VSIG2: variants seen among roughly 807,000 people sequenced by gnomAD.
VSIG2 encodes the protein V-set and immunoglobulin domain-containing protein 2.
Under a neutral mutation model 29.4 loss-of-function variants are expected in VSIG2, and 30 were observed. That is an observed-to-expected ratio of 1.02 (90% CI 0.76 to 1.38). VSIG2 has a LOEUF of 1.38. Ranked by LOEUF, VSIG2 falls within the 40% of genes most tolerant of loss-of-function variation. The probability of loss-of-function intolerance (pLI) is 0.00; values close to 1 mark genes in which losing one functional copy is unlikely to be tolerated. For synonymous variants in VSIG2, 178 were observed against 174.2 expected, an observed-to-expected ratio of 1.02 and a Z score of -0.17; for missense variants, 421 against 400.8, an observed-to-expected ratio of 1.05 and a Z score of -0.43.
At chr11:124,750,968 A>G (rs1171908287) in intron 2 of VSIG2, 47 bp from the exon 3 acceptor site, 3 of 1,596,058 alleles carry the variant, frequency 1.9e-6, no homozygotes, top group Non-Finnish European at 2.6e-6. Context: ...TCTGCCTGGC[A>G]TCAACTCTAC....
At chr11:124,748,793 C>T in intron 4 of VSIG2, 30 bp from the exon 5 acceptor site, 1 of 1,614,118 alleles carries the variant, frequency 6.2e-7, no homozygotes, top group Non-Finnish European at 8.5e-7. Context: ...TGTTCCACGA[C>T]TCATTCAACT....
At chr11:124,748,237 T>A (rs1591424149) in intron 6 of VSIG2, 153 bp downstream of exon 6, 1 of 856,812 alleles carries the variant, frequency 1.2e-6, no homozygotes, top group East Asian at 2.6e-5. Flanking sequence ...AATACACAGG[T>A]TACACTGCTG....
rs1944064229 is a variant in VSIG2, at chr11:124,749,885, A to AAAAAAC, written c.428-20_428-19insGTTTTT. ...GGGGGAACTGCAAAAAAAAAAAAAA[A>AAAAAAC]AAAAAAAAAACAGAAAGTTCCTCAG... On this transcript the variant is annotated intron_variant, in intron 3 of 6. Transcript: ENST00000326621. 288 of 1,418,944 alleles carry AAAAAAC rather than the reference A, an allele frequency of 2.0e-4. 4 individuals are homozygous for AAAAAAC. Among genetic ancestry groups the AAAAAAC allele is most frequent in the South Asian group, 3.0e-4 (23 of 75,412 alleles). The allele number at this position is 1,418,944 out of a possible 1,614,324, so 87.9% of individuals were successfully genotyped here.
At chr11:124,751,750 C>T (rs776910960) in intron 1 of VSIG2, among the ~76,000 whole-genome samples, 170 bp from the exon 2 acceptor site, 13 of 152,222 alleles carry the variant, frequency 8.5e-5, no homozygotes, top group Non-Finnish European at 1.9e-4. Context: ...CGGGAGGGGC[C>T]GGGTCTTTGT....
At position 124,748,517 on chromosome 11, in the gene VSIG2, C is replaced by T; in HGVS notation, c.724G>A (p.Val242Met). Residue 242 changes from valine (V) to methionine (M), a missense_variant, in exon 6 of 7, where the codon GTG becomes ATG. Val to Met is a conservative substitution (Grantham distance 21). Coordinates refer to ENST00000326621, the MANE Select transcript of VSIG2 (RefSeq NM_014312.5). Reference sequence around the variant, plus strand: ...AGCACCCCAATCAGAGCTCCGGCCACTCGGCCTTGGGAGGGTTCTAAGGAG... The same window carrying T: ...AGCACCCCAATCAGAGCTCCGGCCATTCGGCCTTGGGAGGGTTCTAAGGAG... ...LSVTEPSQGR[V>M]AGALIGVLLG... 3.1e-6 allele frequency: 5 copies of T among 1,614,176 alleles called. No homozygotes were observed. The South Asian group carries it at 4.4e-5, about 14-fold the overall frequency.
rs995486247 is a variant in VSIG2, at chr11:124,748,766, A to C, written c.587-3T>G. Reference sequence around the variant, plus strand: ...AATGAGCTGGCCAGACACCTCATCTAGAGGATGAAGAGGAAGTGTTCCACG... The same window carrying C: ...AATGAGCTGGCCAGACACCTCATCTCGAGGATGAAGAGGAAGTGTTCCACG... On this transcript the variant is annotated splice_polypyrimidine_tract_variant and splice_region_variant and intron_variant, in intron 4 of 6. Coordinates refer to ENST00000326621, the MANE Select transcript of VSIG2 (RefSeq NM_014312.5). 6.2e-7 allele frequency: 1 copy of C among 1,614,056 alleles called. No homozygotes were observed. Among genetic ancestry groups the C allele is most frequent in the African/African-American group, 1.3e-5 (1 of 74,930 alleles).
Position 124,752,159 on chromosome 11 carries a change from C to G in VSIG2, c.-22G>C. On this transcript the variant is annotated 5_prime_UTR_variant, in exon 1 of 7. Coordinates refer to ENST00000326621, the MANE Select transcript of VSIG2 (RefSeq NM_014312.5). ...CCATGGCCGCGTCCGGCCGTCCTGT[C>G]CTGCTCCTGCCAGGTGGGCGGTCAA... 1 of 1,553,366 alleles carries G rather than the reference C, an allele frequency of 6.4e-7. No homozygotes were observed.
At chr11:124,751,368 C>T in intron 2 of VSIG2, 55 bp downstream of exon 2, 1 of 1,601,886 alleles carries the variant, frequency 6.2e-7, no homozygotes. Context: ...TGCCCTCATC[C>T]TGGGCTCCTG....
At chr11:124,749,402 G>A (rs1410903585) in intron 4 of VSIG2, among the ~76,000 whole-genome samples, 1 of 152,120 alleles carries the variant, frequency 6.6e-6, no homozygotes, top group East Asian at 1.9e-4. Flanking sequence ...CGACCCTTAG[G>A]AAACCTAAAA....
chr11:124,752,049 G>A (rs770860371), intron 1 of VSIG2, 28 bp downstream of exon 1: 1 of 1,579,326 alleles, frequency 6.3e-7, no homozygotes, highest in South Asian at 1.2e-5. Context: ...CCCAGCCCTC[G>A]CCGTGGTCCC....
At chr11:124,747,731 T>C in intron 6 of VSIG2, 64 bp from the exon 7 acceptor site, 1 of 1,524,968 alleles carries the variant, frequency 6.6e-7, no homozygotes, top group Non-Finnish European at 8.9e-7. Flanking sequence ...GGCCGTCCTC[T>C]AACCTGGGGA....
chr11:124,751,028 C>CTCCCTGGCTGATGTA, intron 2 of VSIG2, 107 bp from the exon 3 acceptor site: 6 of 1,198,746 alleles, frequency 5.0e-6, no homozygotes, highest in Non-Finnish European at 7.0e-6. Flanking sequence ...TTACATCAGC[C>CTCCCTGGCTGATGTA]AGGGAGGCTG....
rs1944064229 is a variant in VSIG2, at chr11:124,749,885, A to AAAAAACAAAAAAAAAC, written c.428-20_428-19insGTTTTTTTTTGTTTTT. The AAAAAACAAAAAAAAAC allele has an allele frequency of 1.6e-5, 23 of 1,419,138 alleles. No homozygotes were observed. The African/African-American group carries it at 3.3e-4, about 20-fold the overall frequency. The allele number at this position is 1,419,138 out of a possible 1,614,324, so 87.9% of individuals were successfully genotyped here. The stretch of plus-strand genomic sequence containing the variant: ...GGGGGAACTGCAAAAAAAAAAAAAA[A>AAAAAACAAAAAAAAAC]AAAAAAAAAACAGAAAGTTCCTCAG... On this transcript the variant is annotated intron_variant, in intron 3 of 6. Coordinates refer to ENST00000326621, the MANE Select transcript of VSIG2 (RefSeq NM_014312.5).
Position 124,748,540 on chromosome 11 carries a change from G to A in VSIG2, c.707-6C>T. Reference sequence around the variant, plus strand: ...CACTCGGCCTTGGGAGGGTTCTAAGGAGATACAGGACCCTCACTCAGAATT... The same window carrying A: ...CACTCGGCCTTGGGAGGGTTCTAAGAAGATACAGGACCCTCACTCAGAATT... On this transcript the variant is annotated splice_polypyrimidine_tract_variant and splice_region_variant and intron_variant, in intron 5 of 6. Coordinates refer to ENST00000326621, the MANE Select transcript of VSIG2 (RefSeq NM_014312.5). 2 of 1,613,518 alleles carry A rather than the reference G, an allele frequency of 1.2e-6. No individual in the cohort carries two copies. Among genetic ancestry groups the A allele is most frequent in the Non-Finnish European group, 1.7e-6 (2 of 1,179,740 alleles).
chr11:124,748,229 T>C (rs956587534), intron 6 of VSIG2, 161 bp downstream of exon 6: 2 of 797,484 alleles, frequency 2.5e-6, no homozygotes, highest in Non-Finnish European at 3.9e-6. Flanking sequence ...TACCCTCAAA[T>C]ACACAGGTTA....
In VSIG2 at chr11:124,752,170, C is replaced by G. The variant is rs1457448851; in HGVS notation, c.-33G>C. On this transcript the variant is annotated 5_prime_UTR_variant, in exon 1 of 7. Coordinates refer to ENST00000326621, the MANE Select transcript of VSIG2 (RefSeq NM_014312.5). ...TCCGGCCGTCCTGTCCTGCTCCTGC[C>G]AGGTGGGCGGTCAAGGTCGGTCTGG... 6.5e-7 allele frequency: 1 copy of G among 1,537,062 alleles called. No homozygotes were observed.
At chr11:124,748,304 TGTC>T in intron 6 of VSIG2, 83 bp downstream of exon 6, 1 of 1,386,674 alleles carries the variant, frequency 7.2e-7, no homozygotes, top group Non-Finnish European at 9.9e-7. Context: ...CACTGAATGA[TGTC>T]GGAGTTTGAG....
Position 124,750,708 on chromosome 11 carries a change from C to T in VSIG2, c.427+6G>A. The T allele has an allele frequency of 6.2e-7, 1 of 1,613,568 alleles. No homozygotes were observed. ...ATGTGGCTCGTGGATCCCCAGTCTG[C>T]CTTACCCAGCACAGTAAGGTTGATT... is the stretch of plus-strand genomic sequence containing the variant. On this transcript the variant is annotated splice_donor_region_variant and intron_variant, in intron 3 of 6. Coordinates refer to ENST00000326621, the MANE Select transcript of VSIG2 (RefSeq NM_014312.5).
Position 124,751,422 on chromosome 11 carries a change from C to T in VSIG2, c.219+1G>A. On this transcript the variant is annotated splice_donor_variant, in intron 2 of 6. Transcript: ENST00000326621. LOFTEE classifies it high-confidence loss of function. ...GCTTCATGCAGTCGCTCTCAGCTCA[C>T]TGGATGGGACTCAGAGATGGGTTTC... 1 of 1,611,642 alleles carries T rather than the reference C, an allele frequency of 6.2e-7. No individual in the cohort carries two copies. The highest frequency in any genetic ancestry group is 1.1e-5 in the South Asian group (1 of 91,090).
Sources: gnomAD v4.1 joint callset for allele counts (sites outside exome capture counted in the v4.1 genomes callset) on GRCh38, gnomAD v4.1.1 for gene constraint, MANE v1.5 for transcripts, NCBI Gene and HGNC (gene_info 2026-07-23, HGNC 2026-07-21) for gene names.